The following TICAM2 variants were observed in gnomAD, a reference collection of about 807,000 sequenced individuals.
TICAM2 encodes TIR domain-containing adapter molecule 2.
TICAM2 carries 8 observed loss-of-function variants against 7.3 expected under a neutral mutation model. The ratio of observed to expected loss-of-function variants is 1.10; its 90% CI spans 0.65 to 1.99. TICAM2 has a LOEUF of 1.99. Among genes scored for constraint, TICAM2 ranks in the 30% most tolerant of loss-of-function variants. TICAM2 has a pLI of 0.00. For synonymous variants in TICAM2, 113 were observed against 99.6 expected (o/e 1.13, Z -0.80); for missense variants, 304 against 278.8 (o/e 1.09, Z -0.65).
At chr5:115,584,887 T>C (rs1228632946) in intron 1 of TICAM2, among the ~76,000 whole-genome samples, 1 of 152,158 alleles carries the variant, frequency 6.6e-6, no homozygotes, top group African/African-American at 2.4e-5. Context: ...AGTAGAATTC[T>C]CTATATTAAA....
intron 1 of TICAM2, among the ~76,000 whole-genome samples, chr5:115,585,373 G>A (rs1046288166): frequency 7.9e-5 from 12 of 152,234 alleles, no homozygotes; most frequent in Admixed American, 2.6e-4. Flanking sequence ...ACCAGTCAAT[G>A]AGGAGATAAG....
At chr5:115,599,272 C>T (rs1755625165) in intron 1 of TICAM2, among the ~76,000 whole-genome samples, 1 of 151,946 alleles carries the variant, frequency 6.6e-6, no homozygotes, top group Non-Finnish European at 1.5e-5. Context: ...TCCTATTGCC[C>T]CTATTGGTGG....
At chr5:115,589,052 A>G (rs772007354) in intron 1 of TICAM2, among the ~76,000 whole-genome samples, 10 of 152,242 alleles carry the variant, frequency 6.6e-5, no homozygotes, top group Non-Finnish European at 1.3e-4. Flanking sequence ...ACTGTGATTG[A>G]TACAACATCC....
At chr5:115,594,170 T>C (rs1279955201) in intron 1 of TICAM2, among the ~76,000 whole-genome samples, 2 of 152,240 alleles carry the variant, frequency 1.3e-5, no homozygotes, top group Admixed American at 1.3e-4. Flanking sequence ...CTTTGTAACA[T>C]TATCTACTTA....
At chr5:115,585,374 A>T (rs150020636) in intron 1 of TICAM2, among the ~76,000 whole-genome samples, 1 of 152,224 alleles carries the variant, frequency 6.6e-6, no homozygotes, top group Non-Finnish European at 1.5e-5. Flanking sequence ...CCAGTCAATG[A>T]GGAGATAAGC....
chr5:115,597,586 C>A (rs1238043050), intron 1 of TICAM2, among the ~76,000 whole-genome samples: 1 of 152,136 alleles, frequency 6.6e-6, no homozygotes, highest in African/African-American at 2.4e-5. Context: ...AGAAAAGGAA[C>A]TGACTGTAAA....
Position 115,580,565 on chromosome 5 carries a change from C to G in TICAM2, c.692G>C (p.Arg231Thr), listed in dbSNP as rs1754878889. 1 of 1,597,090 alleles carries G rather than the reference C, an allele frequency of 6.3e-7. No individual in the cohort carries two copies. The highest frequency in any genetic ancestry group is 2.2e-5 in the East Asian group (1 of 44,564). Residue 231 changes from arginine to threonine, a missense_variant, in exon 2 of 2, where the codon AGA becomes ACA. Coordinates refer to ENST00000427199, the MANE Select transcript of TICAM2 (RefSeq NM_021649.7). ...TGTTTCATCTCAGGCAATAAATTGT[C>G]TTTGTACCATATTTCTTGTCTCTTT... is the stretch of plus-strand genomic sequence containing the variant. ...IWKETRNMVQRQFIA is the reference protein window; with the variant it reads ...IWKETRNMVQTQFIA
At chr5:115,593,946 C>A (rs1334232497) in intron 1 of TICAM2, among the ~76,000 whole-genome samples, 1 of 152,124 alleles carries the variant, frequency 6.6e-6, no homozygotes, top group Non-Finnish European at 1.5e-5. Context: ...TGATTGTAGA[C>A]CAGAAAATGA....
intron 1 of TICAM2, among the ~76,000 whole-genome samples, chr5:115,582,635 T>G (rs1179163103): frequency 6.6e-6 from 1 of 152,204 alleles, no homozygotes; most frequent in Non-Finnish European, 1.5e-5. Flanking sequence ...CAAGGGGAAT[T>G]CTTTTATTAA....
rs1422408739 is a variant in TICAM2 at position 115,581,333 on chromosome 5, AC to A, written c.-59-19del. On this transcript the variant is annotated intron_variant, in intron 1 of 1. Transcript: ENST00000427199. ...TTTTCAATCTAAAAGAAGTAACAAA[AC>A]AGAAGAATATTATAAATTTAATCAA... 2 of 1,572,660 alleles carry A rather than the reference AC, an allele frequency of 1.3e-6. No homozygotes were observed. The highest frequency in any genetic ancestry group is 3.6e-5 in the Admixed American group (2 of 55,626).
intron 1 of TICAM2, among the ~76,000 whole-genome samples, chr5:115,598,668 C>T (rs984663568): frequency 3.3e-5 from 5 of 151,980 alleles, no homozygotes; most frequent in African/African-American, 9.7e-5. Context: ...TCTCTCTGTT[C>T]GATATTCCAA....
Position 115,580,626 on chromosome 5 carries a change from GA to G in TICAM2, c.630del (p.Gln211ArgfsTer43). 1.3e-6 allele frequency: 2 copies of G among 1,591,750 alleles called. No individual in the cohort carries two copies. The highest frequency in any genetic ancestry group is 1.7e-6 in the Non-Finnish European group (2 of 1,172,742). On this transcript the variant is annotated frameshift_variant, in exon 2 of 2. Coordinates refer to ENST00000427199, the MANE Select transcript of TICAM2 (RefSeq NM_021649.7). LOFTEE classifies it low-confidence loss of function (END_TRUNC). ...TGTTGTGTCTTATACACAGACTCCT[GA>G]AAAATTCTTTCTACTTGTGTAGGAA... ...RGFPTQVERIFQESVYKTQQT... is the reference protein window; with the variant it reads ...RGFPTQVERIXQESVYKTQQT...
chr5:115,588,356 T>C (rs187612718), intron 1 of TICAM2, among the ~76,000 whole-genome samples: 52 of 152,318 alleles, frequency 3.4e-4, no homozygotes, highest in Non-Finnish European at 5.4e-4. Context: ...CACAGGATAA[T>C]GTCTGTGATG....
chr5:115,587,461 A>G (rs948726931), intron 1 of TICAM2, among the ~76,000 whole-genome samples: 1 of 152,186 alleles, frequency 6.6e-6, no homozygotes, highest in Admixed American at 6.5e-5. Flanking sequence ...AGGTTTGTAA[A>G]GAAACTAGGC....
chr5:115,580,768 C>T lies in TICAM2; in HGVS notation c.489G>A (p.Arg163=). 6.3e-7 allele frequency: 1 copy of T among 1,596,970 alleles called. No homozygotes were observed. The highest frequency in any genetic ancestry group is 1.1e-5 in the South Asian group (1 of 88,122). ...GTATAACAGAGTTGTATTTATGCTG[C>T]CTGTTAACGGAGTTCATTAGGGACG... ...FYTSLMNSVN[R]QHKYNSVIPM... The change falls in exon 2 of 2, where the codon AGG becomes AGA. Residue 163 remains arginine (R), a synonymous_variant. Transcript: ENST00000427199.
rs1755801101 is a variant in TICAM2, at chr5:115,602,341, G to C, written c.-304C>G. On this transcript the variant is annotated 5_prime_UTR_variant, in exon 1 of 2. Transcript: ENST00000427199. ...CACCCTTGGAGGTCGCCGCTTGTCAGGCCTGACTGCTGTTGGCGCCCACCC... is the reference window on the plus strand; with the variant it reads ...CACCCTTGGAGGTCGCCGCTTGTCACGCCTGACTGCTGTTGGCGCCCACCC... 1 of 151,954 alleles carries C rather than the reference G, an allele frequency of 6.6e-6. No individual in the cohort carries two copies. Among genetic ancestry groups the C allele is most frequent in the Non-Finnish European group, 1.5e-5 (1 of 68,020 alleles). 9.4% of individuals were successfully genotyped at this position (151,954 alleles called of 1,614,324 possible). A position where few individuals can be genotyped will look rare whatever the true frequency, so the allele number is the denominator to read the frequency against.
At chr5:115,591,194 G>T (rs1190876527) in intron 1 of TICAM2, among the ~76,000 whole-genome samples, 1 of 152,212 alleles carries the variant, frequency 6.6e-6, no homozygotes, top group Non-Finnish European at 1.5e-5. Flanking sequence ...TTTCAGAAGA[G>T]GAAAGCTAGT....
chr5:115,584,908 A>C (rs1755049558), intron 1 of TICAM2, among the ~76,000 whole-genome samples: 1 of 152,216 alleles, frequency 6.6e-6, no homozygotes, highest in African/African-American at 2.4e-5. Context: ...CAGAAGAGGA[A>C]TGAAAAAAAC....
chr5:115,578,910 G>A lies in TICAM2; in HGVS notation c.*1639C>T, dbSNP rs896913217. 1.3e-5 allele frequency: 2 copies of A among 152,704 alleles called. No homozygotes were observed. Among genetic ancestry groups the A allele is most frequent in the Non-Finnish European group, 2.9e-5 (2 of 68,036 alleles). 9.5% of individuals were successfully genotyped at this position (152,704 alleles called of 1,614,324 possible). A position where few individuals can be genotyped will look rare whatever the true frequency, so the allele number is the denominator to read the frequency against. The stretch of plus-strand genomic sequence containing the variant: ...CCTCTAATAAGTACTAACAGAATAG[G>A]AGGCTTGACTTACTTGCATGCTCCT... On this transcript the variant is annotated 3_prime_UTR_variant, in exon 2 of 2. Transcript: ENST00000427199.
Sources: allele counts gnomAD v4.1 joint callset (sites outside exome capture counted in the v4.1 genomes callset), GRCh38; gene constraint gnomAD v4.1.1; transcripts MANE v1.5; gene names NCBI Gene and HGNC (gene_info 2026-07-23, HGNC 2026-07-21).